Variants in RRBP1 observed in about 807,000 individuals in gnomAD.
RRBP1 encodes ribosome-binding protein 1.
RRBP1 carries 94 observed loss-of-function variants against 165.2 expected under a neutral mutation model. The ratio of observed to expected loss-of-function variants is 0.57; its 90% confidence interval spans 0.48 to 0.68. RRBP1 has a LOEUF of 0.68. Ranked by LOEUF, RRBP1 falls within the 30% of genes least tolerant of loss-of-function variation. The pLI, the probability that RRBP1 is intolerant of heterozygous loss-of-function variation, is 0.00. For synonymous variants in RRBP1, 680 were observed against 714.5 expected, an observed-to-expected ratio of 0.95 and a Z score of 0.77; for missense variants, 1,676 against 1,763.0, an observed-to-expected ratio of 0.95 and a Z score of 0.88.
chr20:17,651,226 C>A (rs778861633), intron 3 of RRBP1, among the ~76,000 whole-genome samples: 5 of 152,214 alleles, frequency 3.3e-5, no homozygotes, highest in Non-Finnish European at 7.3e-5. Flanking sequence ...TAGAATCATT[C>A]CCAGAGTAGC....
intron 13 of RRBP1, among the ~76,000 whole-genome samples, chr20:17,622,365 G>A (rs868116894): frequency 3.9e-5 from 6 of 152,278 alleles, no homozygotes; most frequent in African/African-American, 1.4e-4. Context: ...GGACACTCAT[G>A]GCCCCCAATG....
chr20:17,641,716 C>A, intron 5 of RRBP1, 81 bp downstream of exon 5: 3 of 1,545,872 alleles, frequency 1.9e-6, no homozygotes, highest in Non-Finnish European at 1.8e-6. Flanking sequence ...CATCTCGGAG[C>A]CCGGGATCCA....
At position 17,676,923 on chromosome 20, in the gene RRBP1, T is replaced by C. The variant is rs112948930; in HGVS notation, c.-22+3076A>G. On this transcript the variant is annotated intron_variant, in intron 2 of 24. Coordinates refer to ENST00000377813, the MANE Select transcript of RRBP1 (RefSeq NM_001365613.2). Reference sequence around the variant, plus strand: ...CCACCATGCCTGGCTAGTTTTTGCATTCTTTATAGAGATGGGGTTTTGCCA... The same window carrying C: ...CCACCATGCCTGGCTAGTTTTTGCACTCTTTATAGAGATGGGGTTTTGCCA... Among the ~76,000 whole-genome samples the C allele has an allele frequency of 2.3e-3, 354 of 152,222 alleles. 3 individuals carry two copies. The highest frequency in any genetic ancestry group is 7.9e-3 in the African/African-American group (329 of 41,538).
chr20:17,669,704 T>TA (rs1182807948), intron 2 of RRBP1, among the ~76,000 whole-genome samples: 1 of 152,216 alleles, frequency 6.6e-6, no homozygotes, highest in Non-Finnish European at 1.5e-5. Flanking sequence ...TAGTTTTTCA[T>TA]AGTTTTCACA....
At chr20:17,672,615 C>T (rs1337226343) in intron 2 of RRBP1, among the ~76,000 whole-genome samples, 1 of 152,212 alleles carries the variant, frequency 6.6e-6, no homozygotes, top group Admixed American at 6.5e-5. Context: ...AAGTCTGGCA[C>T]TTTCTTTTAA....
At chr20:17,633,957 A>T (rs966161934) in intron 7 of RRBP1, among the ~76,000 whole-genome samples, 2 of 152,190 alleles carry the variant, frequency 1.3e-5, no homozygotes, top group African/African-American at 4.8e-5. Context: ...ACCCGCCTTG[A>T]CGCCCTGTAG....
chr20:17,617,538 T>C (rs909110212), intron 20 of RRBP1, among the ~76,000 whole-genome samples: 1 of 152,202 alleles, frequency 6.6e-6, no homozygotes, highest in Non-Finnish European at 1.5e-5. Flanking sequence ...AATAACGAAC[T>C]GCACAGCTGG....
At chr20:17,645,971 A>T (rs1335232314) in intron 3 of RRBP1, among the ~76,000 whole-genome samples, 1 of 152,134 alleles carries the variant, frequency 6.6e-6, no homozygotes, top group Non-Finnish European at 1.5e-5. Context: ...GTGACCAGGG[A>T]GCAGGAGACC....
intron 2 of RRBP1, among the ~76,000 whole-genome samples, chr20:17,669,181 T>C (rs2036927658): frequency 6.6e-6 from 1 of 152,252 alleles, no homozygotes; most frequent in African/African-American, 2.4e-5. Flanking sequence ...ATGTACTCTA[T>C]TATAAGCCTT....
At chr20:17,623,046 C>T (rs2035946161) in intron 13 of RRBP1, 1 of 152,210 alleles carries the variant, frequency 6.6e-6, no homozygotes, top group Admixed American at 6.5e-5. Flanking sequence ...CTCACGACCA[C>T]CACTGAGGCC....
In RRBP1 at chr20:17,616,751, G is replaced by A; in HGVS notation, c.3848C>T (p.Ala1283Val). 1.2e-6 allele frequency: 2 copies of A among 1,610,722 alleles called. No individual in the cohort carries two copies. The highest frequency in any genetic ancestry group is 1.7e-6 in the Non-Finnish European group (2 of 1,178,606). ...APASSPEAPPAEQDPVQLKTQ... is the reference protein window; with the variant it reads ...APASSPEAPPVEQDPVQLKTQ... The stretch of plus-strand genomic sequence containing the variant: ...CCTAACCTGAACGGGGTCCTGCTCG[G>A]CTGGGGGCGCCTCTGGGGAGGAAGC... The change falls in exon 21 of 25, where the codon GCC becomes GTC. Residue 1283 changes from alanine (A) to valine (V), a missense_variant. By Grantham distance (64) the Ala-to-Val change is moderately conservative (BLOSUM62 0). This residue lies in a region of RRBP1 where 1,184 missense variants were observed against 1,167.1 expected (regional missense o/e 1.01). Coordinates refer to ENST00000377813, the MANE Select transcript of RRBP1 (RefSeq NM_001365613.2).
chr20:17,681,345 C>T (rs2037182075), intron 1 of RRBP1, among the ~76,000 whole-genome samples: 1 of 147,710 alleles, frequency 6.8e-6, no homozygotes, highest in African/African-American at 2.5e-5. Flanking sequence ...CGGGAAGTTG[C>T]CACCGCGGCC....
intron 4 of RRBP1, among the ~76,000 whole-genome samples, chr20:17,642,610 C>T (rs6044931): frequency 0.87 from 132,478 of 152,148 alleles, 58,018 homozygotes; most frequent in East Asian, 0.97. Context: ...AACCTGCCCC[C>T]GGCAGCACGA....
intron 2 of RRBP1, among the ~76,000 whole-genome samples, chr20:17,664,262 G>A (rs1378922106): frequency 2.0e-5 from 3 of 152,138 alleles, no homozygotes; most frequent in Non-Finnish European, 2.9e-5. Flanking sequence ...TAACACAGAC[G>A]GCGTGAATCC....
rs550156718 is a variant in RRBP1 at position 17,634,714 on chromosome 20, C to T, written c.2456+832G>A. Among the ~76,000 whole-genome samples the T allele has an allele frequency of 9.8e-4, 150 of 152,318 alleles. 1 individual carries two copies. The highest frequency in any genetic ancestry group is 3.5e-3 in the African/African-American group (144 of 41,578). ...ACGCCAGAGAATTTCTCAGTCCCCA[C>T]ATATGCCTTCTGCTGTGGCTTTTGG... On this transcript the variant is annotated intron_variant, in intron 7 of 24. Transcript: ENST00000377813.
chr20:17,631,706 C>T (rs373602262), intron 8 of RRBP1, among the ~76,000 whole-genome samples: 2 of 152,234 alleles, frequency 1.3e-5, no homozygotes, highest in African/African-American at 2.4e-5. Flanking sequence ...CCCAAGAGGC[C>T]GTCCGGGGAG....
intron 2 of RRBP1, among the ~76,000 whole-genome samples, chr20:17,664,148 T>C (rs1475878331): frequency 6.6e-6 from 1 of 152,184 alleles, no homozygotes; most frequent in Non-Finnish European, 1.5e-5. Flanking sequence ...TCTTGCACTT[T>C]GGGGCCATGA....
chr20:17,629,496 G>T (rs534047584), intron 9 of RRBP1, among the ~76,000 whole-genome samples: 1 of 152,276 alleles, frequency 6.6e-6, no homozygotes, highest in South Asian at 2.1e-4. Flanking sequence ...TGGGAGGGAA[G>T]CAGTGCCTTC....
intron 8 of RRBP1, among the ~76,000 whole-genome samples, chr20:17,631,043 T>C (rs936226306): frequency 3.2e-4 from 49 of 152,178 alleles, no homozygotes; most frequent in Non-Finnish European, 7.4e-5. Flanking sequence ...TACTGTGCAG[T>C]GAAAACTGGG....
Sources: allele counts gnomAD v4.1 joint callset (sites outside exome capture counted in the v4.1 genomes callset), GRCh38; gene constraint gnomAD v4.1.1; regional missense constraint gnomAD v4.1.1; transcripts MANE v1.5; gene names NCBI Gene and HGNC (gene_info 2026-07-23, HGNC 2026-07-21).